Variants in LRFN5 observed in about 807,000 individuals in gnomAD.
LRFN5 encodes the protein leucine rich repeat and fibronectin type III domain containing 5, also known as leucine-rich repeat and fibronectin type-III domain-containing protein 5.
A neutral mutation model predicts 45.6 loss-of-function variants in LRFN5; 24 were observed. The observed-to-expected ratio is 0.53, with a 90% CI of 0.38 to 0.74. LRFN5 has a LOEUF of 0.74. Among genes scored for constraint, LRFN5 ranks in the 30% least tolerant of loss-of-function variants. LRFN5 has a pLI of 0.00. For synonymous variants in LRFN5, 340 were observed against 313.8 expected (o/e 1.08, Z -0.88); for missense variants, 776 against 861.5 (o/e 0.90, Z 1.24).
intron 1 of LRFN5, among the ~76,000 whole-genome samples, chr14:41,723,130 G>A (rs984375719): frequency 1.1e-4 from 16 of 152,280 alleles, no homozygotes; most frequent in Admixed American, 7.2e-4. Context: ...CAGCACGATC[G>A]CTCCACAAGA....
chr14:41,839,238 C>G (rs556178107), intron 2 of LRFN5, among the ~76,000 whole-genome samples: 4 of 151,974 alleles, frequency 2.6e-5, no homozygotes, highest in African/African-American at 9.7e-5. Flanking sequence ...GAGTAGAAAT[C>G]GAAGTGAACA....
intron 2 of LRFN5, among the ~76,000 whole-genome samples, chr14:41,856,781 A>G (rs1374401199): frequency 1.4e-5 from 2 of 139,188 alleles, no homozygotes; most frequent in African/African-American, 5.3e-5. Context: ...GGTTCACGCC[A>G]TTCTCCTGCC....
At chr14:41,661,197 T>C (rs1035197610) in intron 1 of LRFN5, among the ~76,000 whole-genome samples, 1 of 151,868 alleles carries the variant, frequency 6.6e-6, no homozygotes, top group East Asian at 1.9e-4. Context: ...TAAAATCTCA[T>C]CTTATTGAAA....
At chr14:41,610,070 T>G (rs928990023) in intron 1 of LRFN5, 2 of 152,586 alleles carry the variant, frequency 1.3e-5, no homozygotes, top group Admixed American at 1.3e-4. Context: ...GCTCTGCCAC[T>G]GCAGCTGGCA....
At chr14:41,690,282 G>T (rs1477162730) in intron 1 of LRFN5, among the ~76,000 whole-genome samples, 3 of 152,128 alleles carry the variant, frequency 2.0e-5, no homozygotes, top group Non-Finnish European at 2.9e-5. Flanking sequence ...AGGTGCAGTG[G>T]CTCACCCCTG....
chr14:41,891,727 C>G lies in LRFN5; in HGVS notation c.1863C>G (p.Asp621Glu), dbSNP rs1380256848. Reference sequence around the variant, plus strand: ...CTTCAGAAACTTGTTCGAGTCAGGACTCCTCTACCACTACCTCTGCTTTGC... The same window carrying G: ...CTTCAGAAACTTGTTCGAGTCAGGAGTCCTCTACCACTACCTCTGCTTTGC... ...IQSSETCSSQ[D>E]SSTTTSALPP... Residue 621 changes from aspartate (D) to glutamate (E), a missense_variant, in exon 4 of 6, where the codon GAC becomes GAG. By Grantham distance (45) the Asp-to-Glu change is conservative. Around this residue, in one of 2 missense-constraint regions of LRFN5, gnomAD observed 465 missense variants for 456.4 expected, o/e 1.02. Transcript: ENST00000298119. 6.2e-7 allele frequency: 1 copy of G among 1,614,070 alleles called. No individual in the cohort carries two copies. Among genetic ancestry groups the G allele is most frequent in the African/African-American group, 1.3e-5 (1 of 74,934 alleles).
chr14:41,771,215 C>G (rs1270047822), intron 2 of LRFN5, among the ~76,000 whole-genome samples: 1 of 150,256 alleles, frequency 6.7e-6, no homozygotes, highest in East Asian at 2.1e-4. Flanking sequence ...ATCTCCTCGC[C>G]CAGAGGCCCA....
At chr14:41,866,188 T>C (rs1024463639) in intron 2 of LRFN5, among the ~76,000 whole-genome samples, 1 of 152,160 alleles carries the variant, frequency 6.6e-6, no homozygotes, top group Non-Finnish European at 1.5e-5. Context: ...AGATATTACA[T>C]TTGGATCCAT....
chr14:41,755,008 T>C (rs934456671), intron 1 of LRFN5, among the ~76,000 whole-genome samples: 7 of 152,202 alleles, frequency 4.6e-5, no homozygotes, highest in African/African-American at 1.4e-4. Context: ...ATTTCTGCCT[T>C]CATTTCGTTA....
intron 1 of LRFN5, among the ~76,000 whole-genome samples, chr14:41,698,797 T>C (rs967145693): frequency 2.0e-5 from 3 of 147,582 alleles, no homozygotes; most frequent in Admixed American, 6.7e-5. Flanking sequence ...AATTATGTGA[T>C]TTTTCTGTCT....
rs377149054 is a variant in LRFN5, at chr14:41,817,888, A to G, written c.-21+50859A>G. 3.7e-4 allele frequency among the ~76,000 whole-genome samples: 56 copies of G among 152,212 alleles called. 1 individual carries two copies. The East Asian group carries it at 7.2e-3, about 19-fold the overall frequency. On this transcript the variant is annotated intron_variant, in intron 2 of 5. Coordinates refer to ENST00000298119, the MANE Select transcript of LRFN5 (RefSeq NM_152447.5). ...ATAACTGAGGTTTTCCTATATAGATAGTGGTTCCTTCTGAGGTTTGTGGGC... is the reference window on the plus strand; with the variant it reads ...ATAACTGAGGTTTTCCTATATAGATGGTGGTTCCTTCTGAGGTTTGTGGGC...
At chr14:41,731,219 C>G (rs1282088947) in intron 1 of LRFN5, 1 of 152,004 alleles carries the variant, frequency 6.6e-6, no homozygotes, top group Non-Finnish European at 1.5e-5. Flanking sequence ...TTATCTAAAT[C>G]ATTTGGGTTT....
At chr14:41,858,689 A>G (rs1166409383) in intron 2 of LRFN5, among the ~76,000 whole-genome samples, 1 of 152,152 alleles carries the variant, frequency 6.6e-6, no homozygotes, top group Admixed American at 6.5e-5. Context: ...AGAGTACTCC[A>G]AAGAAACTCA....
chr14:41,820,574 G>C (rs996434103), intron 2 of LRFN5, among the ~76,000 whole-genome samples: 2 of 151,996 alleles, frequency 1.3e-5, no homozygotes, highest in African/African-American at 4.8e-5. Context: ...TTTTTGCTTA[G>C]AATTGCTTTG....
At position 41,866,664 on chromosome 14, in the gene LRFN5, G is replaced by A. The variant is rs145626681; in HGVS notation, c.-20-19942G>A. ...ATAAGAAAGGAGAAAAGCCTTCTAT[G>A]TTTTTGTTTGGTTTTTATCTTTATA... On this transcript the variant is annotated intron_variant, in intron 2 of 5. Transcript: ENST00000298119. 2.1e-3 allele frequency among the ~76,000 whole-genome samples: 312 copies of A among 152,160 alleles called. 2 individuals carry two copies. The highest frequency in any genetic ancestry group is 0.012 in the East Asian group (63 of 5,180).
At chr14:41,901,967 A>T (rs1485642284) in intron 5 of LRFN5, among the ~76,000 whole-genome samples, 1 of 152,044 alleles carries the variant, frequency 6.6e-6, no homozygotes, top group Non-Finnish European at 1.5e-5. Context: ...TTTGAACATT[A>T]TAACAAATTT....
At chr14:41,729,510 A>G (rs1884078537) in intron 1 of LRFN5, among the ~76,000 whole-genome samples, 1 of 152,144 alleles carries the variant, frequency 6.6e-6, no homozygotes. Flanking sequence ...GTATTCCTTT[A>G]TAGTAACACA....
chr14:41,808,549 T>TGAAGGAAG (rs1167821700), intron 2 of LRFN5, among the ~76,000 whole-genome samples: 1,130 of 54,164 alleles, frequency 0.021, 24 homozygotes, highest in Admixed American at 0.027. Flanking sequence ...AAGGGAGGGA[T>TGAAGGAAG]GAAGGAAGGA....
intron 1 of LRFN5, among the ~76,000 whole-genome samples, chr14:41,679,697 A>G (rs376976353): frequency 1.8e-4 from 28 of 152,134 alleles, no homozygotes; most frequent in South Asian, 4.2e-4. Context: ...GGTGGTAGCT[A>G]TGGAAAGGGA....
Sources: gnomAD v4.1 joint callset for allele counts (sites outside exome capture counted in the v4.1 genomes callset) on GRCh38, gnomAD v4.1.1 for gene constraint, gnomAD v4.1.1 regional missense constraint, MANE v1.5 for transcripts, NCBI Gene and HGNC (gene_info 2026-07-23, HGNC 2026-07-21) for gene names.